The following ITCH variants were observed in gnomAD, a reference collection of about 807,000 sequenced individuals.
The protein encoded by ITCH is E3 ubiquitin-protein ligase Itchy homolog.
A neutral mutation model predicts 126.8 loss-of-function variants in ITCH; 28 were observed. The observed-to-expected ratio is 0.22, with a 90% CI of 0.16 to 0.30. ITCH has a LOEUF of 0.30. Among genes scored for constraint, ITCH ranks in the 10% least tolerant of loss-of-function variants. ITCH has a pLI of 1.00. For synonymous variants in ITCH, 342 were observed against 340.0 expected (o/e 1.01, Z -0.06); for missense variants, 631 against 1,032.4 (o/e 0.61, Z 5.33).
intron 16 of ITCH, among the ~76,000 whole-genome samples, chr20:34,473,604 A>C (rs1987852860): frequency 6.6e-6 from 1 of 152,252 alleles, no homozygotes; most frequent in African/African-American, 2.4e-5. Context: ...TGTTTTTCAA[A>C]GAGTACAAAG....
chr20:34,422,325 G>A (rs1980886109), intron 6 of ITCH, among the ~76,000 whole-genome samples: 1 of 152,184 alleles, frequency 6.6e-6, no homozygotes, highest in East Asian at 1.9e-4. Flanking sequence ...TGTCACTGTA[G>A]TGAGAAGGTT....
At chr20:34,401,676 C>T (rs1280676723) in intron 3 of ITCH, 1 of 965,426 alleles carries the variant, frequency 1.0e-6, no homozygotes, top group South Asian at 4.8e-5. Flanking sequence ...ATCAATCGGT[C>T]CTCCTCACCT....
At chr20:34,436,590 T>C (rs1983034284) in intron 7 of ITCH, among the ~76,000 whole-genome samples, 1 of 152,224 alleles carries the variant, frequency 6.6e-6, no homozygotes, top group African/African-American at 2.4e-5. Context: ...TACTGAGGTG[T>C]TCCCTCTATT....
At chr20:34,364,229 C>T (rs560763056) in intron 1 of ITCH, among the ~76,000 whole-genome samples, 1 of 152,272 alleles carries the variant, frequency 6.6e-6, no homozygotes, top group Admixed American at 6.5e-5. Context: ...TTCATTATCC[C>T]CAATAACAAC....
intron 2 of ITCH, among the ~76,000 whole-genome samples, chr20:34,372,177 C>T (rs6141464): frequency 0.26 from 39,372 of 149,142 alleles, 6,505 homozygotes; most frequent in Admixed American, 0.48. Context: ...TGGTGGCGGG[C>T]GCCTGTAGTC....
At chr20:34,388,909 A>G (rs1483467783) in intron 2 of ITCH, among the ~76,000 whole-genome samples, 1 of 152,186 alleles carries the variant, frequency 6.6e-6, no homozygotes, top group Non-Finnish European at 1.5e-5. Context: ...TCCCCTTATA[A>G]CAGAAAACAA....
chr20:34,428,412 C>G (rs1981840040), intron 7 of ITCH, among the ~76,000 whole-genome samples: 1 of 152,112 alleles, frequency 6.6e-6, no homozygotes, highest in African/African-American at 2.4e-5. Context: ...CAAGCACTGT[C>G]TGTATCATAA....
At chr20:34,375,582 A>G (rs2037806395) in intron 2 of ITCH, among the ~76,000 whole-genome samples, 1 of 151,660 alleles carries the variant, frequency 6.6e-6, no homozygotes, top group Non-Finnish European at 1.5e-5. Context: ...TTATTTCAAT[A>G]AATAAATAAA....
chr20:34,424,479 G>T lies in ITCH; in HGVS notation c.476-1G>T. On this transcript the variant is annotated splice_acceptor_variant, in intron 6 of 24. Coordinates refer to ENST00000374864, the MANE Select transcript of ITCH (RefSeq NM_031483.7). LOFTEE classifies it high-confidence loss of function. ...TTTCTGTTTAAACTTTGATGTTAAA[G>T]GTGCTTCTCAGAATGATGATGGCTC... 1 of 1,612,596 alleles carries T rather than the reference G, an allele frequency of 6.2e-7. No homozygotes were observed.
In ITCH at chr20:34,449,469, C is replaced by T; in HGVS notation, c.1199C>T (p.Pro400Leu). The T allele has an allele frequency of 6.2e-7, 1 of 1,604,584 alleles. No homozygotes were observed. The highest frequency in any genetic ancestry group is 8.5e-7 in the Non-Finnish European group (1 of 1,171,552). Residue 400 changes from proline (P) to leucine (L), a missense_variant, in exon 12 of 25, where the codon CCA (proline) becomes CTA (leucine). Coordinates refer to ENST00000374864, the MANE Select transcript of ITCH (RefSeq NM_031483.7). ...GAATTTGATCCTCTTGGTCCATTGC[C>T]ACCTGGATGGGGTAAGTCACATGAG... ...SKEFDPLGPL[P>L]PGWEKRTDSN...
chr20:34,414,199 C>T (rs892131520), intron 6 of ITCH, among the ~76,000 whole-genome samples: 6 of 150,644 alleles, frequency 4.0e-5, no homozygotes, highest in South Asian at 2.1e-4. Context: ...ACATTGATCA[C>T]TTTAAACATT....
At chr20:34,419,409 A>T (rs2146202254) in intron 6 of ITCH, among the ~76,000 whole-genome samples, 1 of 152,090 alleles carries the variant, frequency 6.6e-6, no homozygotes, top group Non-Finnish European at 1.5e-5. Context: ...GTGGTCTTTA[A>T]AAGTTTTATC....
chr20:34,384,658 CTTTTT>C (rs5841172), intron 2 of ITCH, among the ~76,000 whole-genome samples: 1 of 71,092 alleles, frequency 1.4e-5, no homozygotes, highest in South Asian at 5.4e-4. Flanking sequence ...ATATTAGGGT[CTTTTT>C]TTTTTTTTTT....
intron 2 of ITCH, among the ~76,000 whole-genome samples, chr20:34,381,746 C>T (rs1306759861): frequency 6.6e-6 from 1 of 151,690 alleles, no homozygotes; most frequent in Non-Finnish European, 1.5e-5. Context: ...TATGTAGTCC[C>T]AGCTATTTGG....
intron 16 of ITCH, chr20:34,475,995 T>C (rs948692424): frequency 5.9e-5 from 94 of 1,602,094 alleles, no homozygotes; most frequent in Middle Eastern, 2.2e-4. Flanking sequence ...ACAGTCATAT[T>C]GTCCATAGAT....
intron 2 of ITCH, among the ~76,000 whole-genome samples, chr20:34,391,051 C>T (rs1464021767): frequency 6.6e-6 from 1 of 152,170 alleles, no homozygotes; most frequent in African/African-American, 2.4e-5. Flanking sequence ...CCACGCCCGG[C>T]CTAGATTTAA....
intron 2 of ITCH, among the ~76,000 whole-genome samples, chr20:34,379,755 C>T (rs1350746146): frequency 1.3e-5 from 2 of 151,486 alleles, no homozygotes; most frequent in African/African-American, 4.9e-5. Context: ...CCACCACTCC[C>T]GGCTAATTTC....
chr20:34,510,939 A>G lies in ITCH; in HGVS notation c.*3145A>G, dbSNP rs548186155. 2.6e-5 allele frequency: 4 copies of G among 152,322 alleles called. No individual in the cohort carries two copies. The South Asian group carries it at 6.2e-4, about 24-fold the overall frequency. The allele number at this position is 152,322 out of a possible 1,614,324, so 9.4% of individuals were successfully genotyped here. On this transcript the variant is annotated 3_prime_UTR_variant, in exon 25 of 25. Transcript: ENST00000374864. ...ACAAAGTTCTCATCCTAAATGAACTATTTCAGTCAAGCCCACTCTACCACT... is the reference window on the plus strand; with the variant it reads ...ACAAAGTTCTCATCCTAAATGAACTGTTTCAGTCAAGCCCACTCTACCACT...
chr20:34,477,926 G>A, intron 17 of ITCH, 66 bp downstream of exon 17: 3 of 1,595,614 alleles, frequency 1.9e-6, no homozygotes, highest in Non-Finnish European at 2.6e-6. Context: ...CACTTCGCTT[G>A]CAAGTATTAT....
Sources: gnomAD v4.1 joint callset for allele counts (sites outside exome capture counted in the v4.1 genomes callset) on GRCh38, gnomAD v4.1.1 for gene constraint, MANE v1.5 for transcripts, NCBI Gene and HGNC (gene_info 2026-07-23, HGNC 2026-07-21) for gene names.